The following MYL5 variants were observed in gnomAD, a reference collection of about 807,000 sequenced individuals.
The protein encoded by MYL5 is myosin light chain 5.
In MYL5, 28 loss-of-function variants were observed where a neutral mutation model predicts 20.8. The ratio of observed to expected loss-of-function variants is 1.35; its 90% confidence interval spans 1.00 to 1.84. MYL5 has a LOEUF of 1.84. MYL5 is among the 40% of genes most tolerant of loss of function. The probability of loss-of-function intolerance (pLI) is 0.00; values close to 1 mark genes in which losing one functional copy is unlikely to be tolerated. For missense variants in MYL5, 274 were observed against 227.3 expected, an observed-to-expected ratio of 1.21 and a Z score of -1.32; for synonymous variants, 118 against 87.4, an observed-to-expected ratio of 1.35 and a Z score of -1.95.
upstream of MYL5, among the ~76,000 whole-genome samples, chr4:677,673 C>T (rs1009189065): frequency 2.6e-5 from 4 of 152,174 alleles, no homozygotes; most frequent in Non-Finnish European, 5.9e-5. Context: ...CCTGCAGTTC[C>T]AGGGTGCCCA....
chr4:678,235 G>A (rs1379556189), intron 1 of MYL5: 10 of 1,486,148 alleles, frequency 6.7e-6, no homozygotes, highest in Non-Finnish European at 8.1e-6. Flanking sequence ...GCTGTGTTGT[G>A]GGAAGTACGT....
chr4:682,021 C>T (rs776474640), exon 7 of MYL5: 6 of 1,429,812 alleles, frequency 4.2e-6, no homozygotes, highest in Non-Finnish European at 5.6e-6. Flanking sequence ...TAAACCTGGA[C>T]GCTTGGACCC....
Position 680,462 on chromosome 4 carries a change from G to A in MYL5, c.293-47G>A, listed in dbSNP as rs752065832. ...CCTGCCATCTGCCCTTGGCAGCCAC[G>A]GGACTGCCACCCTGACGGCCCTGGG... On this transcript the variant is annotated intron_variant, in intron 4 of 6. Coordinates refer to ENST00000400159, the Ensembl canonical transcript of MYL5. The A allele has an allele frequency of 1.6e-5, 26 of 1,596,724 alleles. No individual in the cohort carries two copies. In the Admixed American group the frequency reaches 1.7e-4, roughly 10 times the overall value.
intron 6 of MYL5, among the ~76,000 whole-genome samples, chr4:681,630 CT>C: frequency 1.1e-5 from 1 of 93,638 alleles, no homozygotes; most frequent in South Asian, 4.4e-4. Flanking sequence ...GCCCCGCCCC[CT>C]CCAGCGCCGC....
At chr4:681,984 A>T in exon 7 of MYL5, 5 of 1,405,418 alleles carry the variant, frequency 3.6e-6, no homozygotes, top group Non-Finnish European at 4.7e-6. Context: ...GGGGAGGAGA[A>T]GGAGGAGTGA....
intron 6 of MYL5, among the ~76,000 whole-genome samples, chr4:681,398 C>T (rs960739142): frequency 4.6e-5 from 7 of 151,910 alleles, no homozygotes; most frequent in African/African-American, 1.5e-4. Flanking sequence ...TCTGTCCCAG[C>T]CGGAGGGGCG....
chr4:674,841 C>T (rs949928238), upstream of MYL5: 4 of 152,796 alleles, frequency 2.6e-5, no homozygotes, highest in African/African-American at 9.6e-5. Context: ...TGTCGCCGGC[C>T]GGGCCGCGTT....
rs751764778 is a variant in MYL5, at chr4:681,873, C to T, written c.421-20C>T. The T allele has an allele frequency of 3.8e-5, 50 of 1,311,136 alleles. No homozygotes were observed. The highest frequency in any genetic ancestry group is 4.4e-5 in the Non-Finnish European group (45 of 1,021,302). 81.2% of individuals were successfully genotyped at this position (1,311,136 alleles called of 1,614,324 possible). A position where few individuals can be genotyped will look rare whatever the true frequency, so the allele number is the denominator to read the frequency against. On this transcript the variant is annotated intron_variant, in intron 6 of 6. Transcript: ENST00000400159. ...TTCGCTCCCGGAGCCCGCAAGGAGCCCTTTCGCCCCCGCCCGCAGGTGGAC... is the reference window on the plus strand; with the variant it reads ...TTCGCTCCCGGAGCCCGCAAGGAGCTCTTTCGCCCCCGCCCGCAGGTGGAC...
At chr4:676,286 A>G (rs145595271), upstream of MYL5, 1,002 of 152,488 alleles carry the variant, frequency 6.6e-3, 6 homozygotes, top group Non-Finnish European at 9.2e-3. Flanking sequence ...AGAATCAAAA[A>G]TAAGTGTCTC....
chr4:680,974 G>A (rs936089134), intron 5 of MYL5, 118 bp from the exon 8 acceptor site: 3 of 1,151,606 alleles, frequency 2.6e-6, no homozygotes, highest in Non-Finnish European at 3.8e-6. Flanking sequence ...CACTCCAGCG[G>A]GAAGGGCGGG....
chr4:680,442 C>A, intron 4 of MYL5, 67 bp from the exon 7 acceptor site: 1 of 1,512,802 alleles, frequency 6.6e-7, no homozygotes, highest in South Asian at 1.1e-5. Flanking sequence ...CCCCTCCTGC[C>A]ATCTGCCCTT....
At chr4:679,189 G>A (rs752576776) in intron 3 of MYL5, 156 bp downstream of exon 5, 9 of 784,632 alleles carry the variant, frequency 1.1e-5, no homozygotes, top group Admixed American at 6.0e-5. Flanking sequence ...GGCCCTGGCC[G>A]CCCTTGGTTC....
intron 6 of MYL5, among the ~76,000 whole-genome samples, chr4:681,466 C>G (rs925578173): frequency 4.0e-5 from 6 of 150,968 alleles, no homozygotes; most frequent in Non-Finnish European, 7.4e-5. Flanking sequence ...CGCTCCCAGC[C>G]CCAGCGGGCG....
At position 680,435 on chromosome 4, in the gene MYL5, C is replaced by T. The variant is rs926876817; in HGVS notation, c.293-74C>T. 5.4e-6 allele frequency: 8 copies of T among 1,478,644 alleles called. No individual in the cohort carries two copies. In the Admixed American group the frequency reaches 1.2e-4, roughly 22 times the overall value. The allele number at this position is 1,478,644 out of a possible 1,614,324, so 91.6% of individuals were successfully genotyped here. The stretch of plus-strand genomic sequence containing the variant: ...CCCCTGCTTGGGGCAGGGGTCTCCC[C>T]TCCTGCCATCTGCCCTTGGCAGCCA... On this transcript the variant is annotated intron_variant, in intron 4 of 6. Coordinates refer to ENST00000400159, the Ensembl canonical transcript of MYL5.
rs1430730746 is a variant in MYL5, at chr4:681,808, A to T, written c.421-85A>T. 5.7e-6 allele frequency: 7 copies of T among 1,221,088 alleles called. No individual in the cohort carries two copies. The African/African-American group carries it at 1.1e-4, about 20-fold the overall frequency. The allele number at this position is 1,221,088 out of a possible 1,614,324, so 75.6% of individuals were successfully genotyped here. On this transcript the variant is annotated intron_variant, in intron 6 of 6. Coordinates refer to ENST00000400159, the Ensembl canonical transcript of MYL5. ...CTCCCCGCTCCCCCTCCCGCGGCGC[A>T]GAAACCACACCCGGGGCCGCTGCAG... is the stretch of plus-strand genomic sequence containing the variant.
chr4:681,436 G>GC (rs1553823350), intron 6 of MYL5, among the ~76,000 whole-genome samples: 4 of 148,984 alleles, frequency 2.7e-5, no homozygotes, highest in East Asian at 2.1e-4. Flanking sequence ...GTCCGGAGCC[G>GC]CCCCCCACCC....
At chr4:680,321 C>T (rs113409529) in intron 4 of MYL5, among the ~76,000 whole-genome samples, 188 bp from the exon 7 acceptor site, 2 of 152,318 alleles carry the variant, frequency 1.3e-5, no homozygotes, top group African/African-American at 2.4e-5. Context: ...CACCCCAGGG[C>T]AGGAGTGCCC....
upstream of MYL5, chr4:675,070 G>A (rs1225778216): frequency 1.3e-5 from 2 of 152,438 alleles, no homozygotes; most frequent in African/African-American, 2.4e-5. Flanking sequence ...AGGACTCCAC[G>A]GCTCCAAGGG....
At chr4:675,333 G>C (rs1413558208), upstream of MYL5, 1 of 152,480 alleles carries the variant, frequency 6.6e-6, no homozygotes, top group African/African-American at 2.4e-5. Context: ...CCCGTGCTGG[G>C]CCACCCTCGG....
Sources: allele counts gnomAD v4.1 joint callset (sites outside exome capture counted in the v4.1 genomes callset), GRCh38; gene constraint gnomAD v4.1.1; transcripts MANE v1.5; gene names NCBI Gene and HGNC (gene_info 2026-07-23, HGNC 2026-07-21).